Variants in PACSIN2 observed in about 807,000 individuals in gnomAD.
The protein encoded by PACSIN2 is protein kinase C and casein kinase substrate in neurons 2, also known as protein kinase C and casein kinase substrate in neurons protein 2.
Under a neutral mutation model 63.8 loss-of-function variants are expected in PACSIN2, and 25 were observed. That is an observed-to-expected ratio of 0.39 (90% CI 0.29 to 0.55). The LOEUF (loss-of-function observed/expected upper bound fraction) is 0.55. Among genes scored for constraint, PACSIN2 ranks in the 20% least tolerant of loss-of-function variants. PACSIN2 has a pLI of 0.62. For missense variants in PACSIN2, 518 were observed against 646.9 expected, an observed-to-expected ratio of 0.80 and a Z score of 2.16; for synonymous variants, 255 against 256.2, an observed-to-expected ratio of 1.00 and a Z score of 0.05.
At chr22:42,914,902 T>G (rs1376854991) in intron 1 of PACSIN2, among the ~76,000 whole-genome samples, 2 of 152,156 alleles carry the variant, frequency 1.3e-5, no homozygotes, top group Admixed American at 1.3e-4. Flanking sequence ...TTGTCTGTCA[T>G]CCAAGCTGGA....
intron 1 of PACSIN2, among the ~76,000 whole-genome samples, chr22:42,926,959 G>A (rs911434704): frequency 7.2e-5 from 11 of 152,238 alleles, no homozygotes; most frequent in Admixed American, 3.3e-4. Context: ...TGAAGCTCAC[G>A]ATTCCTGTTC....
chr22:42,893,757 C>A (rs1171090153), intron 2 of PACSIN2, 144 bp from the exon 3 acceptor site: 1 of 718,248 alleles, frequency 1.4e-6, no homozygotes, highest in East Asian at 2.5e-5. Context: ...TTGAAAGGCA[C>A]TCCGTGTAGT....
At position 42,876,304 on chromosome 22, in the gene PACSIN2, T is replaced by C. The variant is rs925126352; in HGVS notation, c.1181A>G (p.Tyr394Cys). 5 of 1,614,086 alleles carry C rather than the reference T, an allele frequency of 3.1e-6. No individual in the cohort carries two copies. Among genetic ancestry groups the C allele is most frequent in the Non-Finnish European group, 1.7e-6 (2 of 1,179,974 alleles). ...NVSSYEKTQSYPTDWSDDESN... is the reference protein window; with the variant it reads ...NVSSYEKTQSCPTDWSDDESN... ...CTCATCGTCTGACCAGTCGGTGGGA[T>C]AGCTCTGGGTCTTCTCGTAGCTGCT... Residue 394 changes from tyrosine (Y) to cysteine (C), a missense_variant, in exon 10 of 11, where the codon TAT (tyrosine) becomes TGT (cysteine). By Grantham distance (194) the Tyr-to-Cys change is radical. Around this residue, in one of 2 missense-constraint regions of PACSIN2, gnomAD observed 507 missense variants for 612.3 expected, o/e 0.83. Coordinates refer to ENST00000263246, the MANE Select transcript of PACSIN2 (RefSeq NM_001184970.3).
chr22:43,001,802 T>C (rs904380638), intron 1 of PACSIN2, among the ~76,000 whole-genome samples: 2 of 152,172 alleles, frequency 1.3e-5, no homozygotes, highest in African/African-American at 2.4e-5. Context: ...GTAGACATGG[T>C]GGAGGCATCG....
rs1193472442 is a variant in PACSIN2, at chr22:42,988,605, G to A, written c.-78+26416C>T. On this transcript the variant is annotated intron_variant, in intron 1 of 10. Transcript: ENST00000263246. The stretch of plus-strand genomic sequence containing the variant: ...CGGGAAGAAAATAATGTAGCCACAG[G>A]TATGAAGATTTCAGTGAAATGTAGC... Among the ~76,000 whole-genome samples, 4 of 152,250 alleles carry A rather than the reference G, an allele frequency of 2.6e-5. No individual in the cohort carries two copies. The East Asian group carries it at 7.7e-4, about 29-fold the overall frequency.
intron 3 of PACSIN2, among the ~76,000 whole-genome samples, chr22:42,891,672 C>T (rs868072133): frequency 2.6e-5 from 4 of 152,188 alleles, no homozygotes; most frequent in Non-Finnish European, 4.4e-5. Flanking sequence ...TCCCAAAGTG[C>T]AGGGATTACA....
intron 1 of PACSIN2, among the ~76,000 whole-genome samples, chr22:43,006,654 A>G (rs1393719902): frequency 6.6e-6 from 1 of 152,134 alleles, no homozygotes; most frequent in Non-Finnish European, 1.5e-5. Flanking sequence ...ATCTCTACCA[A>G]AAATACAAAA....
intron 1 of PACSIN2, among the ~76,000 whole-genome samples, chr22:43,005,325 T>A (rs1924024114): frequency 6.6e-6 from 1 of 152,102 alleles, no homozygotes; most frequent in South Asian, 2.1e-4. Context: ...CTAGAATCCA[T>A]CACATTAAAC....
At chr22:42,927,611 G>A (rs749071351) in intron 1 of PACSIN2, among the ~76,000 whole-genome samples, 1 of 151,784 alleles carries the variant, frequency 6.6e-6, no homozygotes, top group South Asian at 2.1e-4. Flanking sequence ...TTTTGAGACT[G>A]AGTTTTGCTC....
At chr22:42,920,588 G>C (rs1419273767) in intron 1 of PACSIN2, among the ~76,000 whole-genome samples, 2 of 152,100 alleles carry the variant, frequency 1.3e-5, no homozygotes, top group Non-Finnish European at 1.5e-5. Flanking sequence ...GGTGGAAGCT[G>C]TAACAACGCA....
At chr22:42,921,065 A>T (rs990828955) in intron 1 of PACSIN2, among the ~76,000 whole-genome samples, 3 of 152,020 alleles carry the variant, frequency 2.0e-5, no homozygotes, top group African/African-American at 4.8e-5. Flanking sequence ...GGTCATTTTT[A>T]AAAATGTATT....
At chr22:43,014,365 CCA>C (rs1569383602) in intron 1 of PACSIN2, among the ~76,000 whole-genome samples, 3 of 9,386 alleles carry the variant, frequency 3.2e-4, no homozygotes, top group African/African-American at 1.3e-3. Flanking sequence ...CACACACACA[CCA>C]CCCCCCCCCC....
intron 1 of PACSIN2, among the ~76,000 whole-genome samples, chr22:42,950,889 G>C (rs1209277880): frequency 6.6e-6 from 1 of 152,142 alleles, no homozygotes; most frequent in East Asian, 1.9e-4. Context: ...GTAGGGGTCA[G>C]GGGATTTCAA....
chr22:42,895,583 C>T (rs1930221885), intron 2 of PACSIN2, among the ~76,000 whole-genome samples: 1 of 152,236 alleles, frequency 6.6e-6, no homozygotes, highest in Non-Finnish European at 1.5e-5. Flanking sequence ...GTTGGTACCA[C>T]CCATCGGCAC....
intron 2 of PACSIN2, among the ~76,000 whole-genome samples, chr22:42,903,030 C>T (rs1459920214): frequency 1.3e-5 from 2 of 152,240 alleles, no homozygotes; most frequent in East Asian, 3.8e-4. Context: ...GAGCAACTCC[C>T]GGCGCTTCTG....
chr22:42,949,389 T>C (rs1933577803), intron 1 of PACSIN2, among the ~76,000 whole-genome samples: 1 of 152,106 alleles, frequency 6.6e-6, no homozygotes, highest in South Asian at 2.1e-4. Context: ...ACACCCATTC[T>C]CAGCTGTGCC....
At chr22:42,971,117 G>C (rs971896020) in intron 1 of PACSIN2, among the ~76,000 whole-genome samples, 1 of 152,080 alleles carries the variant, frequency 6.6e-6, no homozygotes, top group Non-Finnish European at 1.5e-5. Flanking sequence ...CTCCCTCCAC[G>C]GTCTCCCTCT....
chr22:42,930,283 A>C (rs1932758750), intron 1 of PACSIN2, among the ~76,000 whole-genome samples: 1 of 152,166 alleles, frequency 6.6e-6, no homozygotes, highest in Non-Finnish European at 1.5e-5. Context: ...AGCCTAACTC[A>C]CACACTTTCC....
chr22:42,933,599 A>G (rs2146781291), intron 1 of PACSIN2, among the ~76,000 whole-genome samples: 1 of 152,208 alleles, frequency 6.6e-6, no homozygotes, highest in African/African-American at 2.4e-5. Context: ...TCCGTCCTAT[A>G]CTCTCAACCG....
Sources: gnomAD v4.1 joint callset for allele counts (sites outside exome capture counted in the v4.1 genomes callset) on GRCh38, gnomAD v4.1.1 for gene constraint, gnomAD v4.1.1 regional missense constraint, MANE v1.5 for transcripts, NCBI Gene and HGNC (gene_info 2026-07-23, HGNC 2026-07-21) for gene names.